Variants in LRRC53 observed in about 807,000 individuals in gnomAD.
LRRC53 encodes the protein leucine rich repeat containing 53.
In LRRC53, 25 loss-of-function variants were observed where a neutral mutation model predicts 13.6. That is an observed-to-expected ratio of 1.83 (90% CI 1.34 to 2.56). The LOEUF is 2.56. Among genes scored for constraint, LRRC53 ranks in the 30% most tolerant of loss-of-function variants. The probability of loss-of-function intolerance (pLI) is 0.00; values close to 1 mark genes in which losing one functional copy is unlikely to be tolerated. For missense variants in LRRC53, 527 were observed against 275.8 expected (o/e 1.91, Z -6.45); for synonymous variants, 204 against 109.8 (o/e 1.86, Z -5.37).
rs1305059905 is a variant in LRRC53, at chr1:74,475,408, T to C, written c.1307A>G (p.Asn436Ser). ...SEPPGNMRAF[N>S]EAGLLTTYNP... ...ATATGTTGTAAGTAAGCCTGCTTCATTAAAAGCTCTCATATTTCCAGGAGG... is the reference window on the plus strand; with the variant it reads ...ATATGTTGTAAGTAAGCCTGCTTCACTAAAAGCTCTCATATTTCCAGGAGG... Residue 436 changes from asparagine (N) to serine (S), a missense_variant, in exon 4 of 5, where the codon AAT becomes AGT. Physicochemically the swap from Asn to Ser is conservative, Grantham distance 46. Transcript: ENST00000294635. The C allele has an allele frequency of 1.4e-6, 1 of 717,048 alleles. No individual in the cohort carries two copies. Among genetic ancestry groups the C allele is most frequent in the African/African-American group, 1.7e-5 (1 of 57,244 alleles). 44.4% of individuals were successfully genotyped at this position (717,048 alleles called of 1,614,324 possible).
At chr1:74,500,372 C>A (rs1049271627) in intron 1 of LRRC53, among the ~76,000 whole-genome samples, 4 of 151,576 alleles carry the variant, frequency 2.6e-5, no homozygotes, top group African/African-American at 7.2e-5. Flanking sequence ...GAGGCCGAGG[C>A]GGGCGGATCA....
At chr1:74,500,019 A>G (rs1482001750) in intron 1 of LRRC53, among the ~76,000 whole-genome samples, 3 of 151,846 alleles carry the variant, frequency 2.0e-5, no homozygotes, top group Non-Finnish European at 4.4e-5. Flanking sequence ...CTATATTTCT[A>G]TTCTTTGGTG....
At chr1:74,516,552 C>A (rs1009172297), upstream of LRRC53, among the ~76,000 whole-genome samples, 2 of 151,750 alleles carry the variant, frequency 1.3e-5, no homozygotes, top group African/African-American at 4.8e-5. Context: ...AGGCAGGGAG[C>A]AATAGAGGAT....
At chr1:74,523,511 TTA>T in the LRRC53 span, among the ~76,000 whole-genome samples, 1 of 128,308 alleles carries the variant, frequency 7.8e-6, no homozygotes, top group South Asian at 2.7e-4. Context: ...AGAGACTCAC[TTA>T]AAAAAAAAGG....
chr1:74,489,995 A>T (rs940268534), intron 1 of LRRC53, among the ~76,000 whole-genome samples: 1 of 145,780 alleles, frequency 6.9e-6, no homozygotes, highest in African/African-American at 2.5e-5. Flanking sequence ...TCAACCTGAG[A>T]TTGCACCACT....
At chr1:74,534,076 T>C in the LRRC53 span, among the ~76,000 whole-genome samples, 2 of 152,156 alleles carry the variant, frequency 1.3e-5, no homozygotes, top group Non-Finnish European at 2.9e-5. Context: ...TTTATAAAAA[T>C]GTTACAAGCT....
In LRRC53 at chr1:74,471,553, T is replaced by C. The variant is rs960135382; in HGVS notation, c.2069A>G (p.Lys690Arg). Residue 690 changes from lysine (K) to arginine (R), a missense_variant, in exon 5 of 5, where the codon AAA (lysine) becomes AGA (arginine). Coordinates refer to ENST00000294635, the MANE Select transcript of LRRC53 (RefSeq NM_001382280.1). ...CAGAACCCATGAATTAGTAAACCATTTTTCTCCTTTGTTTCTCTCCCCAGT... is the reference window on the plus strand; with the variant it reads ...CAGAACCCATGAATTAGTAAACCATCTTTCTCCTTTGTTTCTCTCCCCAGT... The part of the protein sequence containing the change: ...SNTGERNKGE[K>R]WFTNSWVLKR... 5.0e-6 allele frequency: 2 copies of C among 400,542 alleles called. No homozygotes were observed. Among genetic ancestry groups the C allele is most frequent in the Non-Finnish European group, 8.8e-6 (2 of 226,180 alleles). The allele number at this position is 400,542 out of a possible 1,614,324, so 24.8% of individuals were successfully genotyped here.
In LRRC53 at chr1:74,470,225, C is replaced by T. The variant is rs1667855832; in HGVS notation, c.3397G>A (p.Glu1133Lys). 3 of 400,546 alleles carry T rather than the reference C, an allele frequency of 7.5e-6. No homozygotes were observed. The highest frequency in any genetic ancestry group is 1.3e-4 in the South Asian group (1 of 7,946). The allele number at this position is 400,546 out of a possible 1,614,324, so 24.8% of individuals were successfully genotyped here. The change falls in exon 5 of 5, where the codon GAG becomes AAG. Residue 1133 changes from glutamate (E) to lysine (K), a missense_variant. Physicochemically the swap from Glu to Lys is moderately conservative, Grantham distance 56. Transcript: ENST00000294635. ...KYILHDASSA[E>K]ETITAKDLSI... ...AAATCTTTAGCTGTAATGGTCTCCTCGGCAGAGCTTGCATCATGTAATATA... is the reference window on the plus strand; with the variant it reads ...AAATCTTTAGCTGTAATGGTCTCCTTGGCAGAGCTTGCATCATGTAATATA...
At chr1:74,493,570 G>T (rs959444811) in intron 1 of LRRC53, among the ~76,000 whole-genome samples, 1 of 152,060 alleles carries the variant, frequency 6.6e-6, no homozygotes, top group Non-Finnish European at 1.5e-5. Context: ...TAATAATTCC[G>T]TATAATAACC....
In LRRC53 at chr1:74,480,091, C is replaced by G. The variant is rs41289202; in HGVS notation, c.904+62G>C. ...AGTGTCTGAGATAAGCATCACTTAG[C>G]ATGCTGCAAAAATATGGACAAGAGA... On this transcript the variant is annotated intron_variant, in intron 3 of 4. Transcript: ENST00000294635. The G allele has an allele frequency of 5.7e-4, 374 of 654,644 alleles. 1 individual carries two copies. The highest frequency in any genetic ancestry group is 7.0e-4 in the Non-Finnish European group (251 of 357,004). 40.6% of individuals were successfully genotyped at this position (654,644 alleles called of 1,614,324 possible).
intron 1 of LRRC53, among the ~76,000 whole-genome samples, chr1:74,502,126 G>A (rs1669664890): frequency 6.6e-6 from 1 of 152,112 alleles, no homozygotes; most frequent in African/African-American, 2.4e-5. Flanking sequence ...ACAAGAGTCA[G>A]TATGAGAACT....
intron 3 of LRRC53, among the ~76,000 whole-genome samples, chr1:74,477,858 A>G (rs1185086827): frequency 6.6e-6 from 1 of 152,212 alleles, no homozygotes; most frequent in African/African-American, 2.4e-5. Flanking sequence ...CTAACAATCT[A>G]CCTGTGTTGG....
At chr1:74,481,050 A>G in intron 2 of LRRC53, 82 bp from the exon 3 acceptor site, 1 of 622,798 alleles carries the variant, frequency 1.6e-6, no homozygotes, top group South Asian at 1.9e-5. Context: ...GAGAATCAAT[A>G]TCCTCTGAGC....
intron 1 of LRRC53, among the ~76,000 whole-genome samples, chr1:74,491,622 A>G (rs1669082111): frequency 6.6e-6 from 1 of 152,222 alleles, no homozygotes; most frequent in South Asian, 2.1e-4. Context: ...AAGACTTGCC[A>G]CACATTAAAG....
At chr1:74,472,716 A>G (rs145753494) in intron 4 of LRRC53, among the ~76,000 whole-genome samples, 3 of 152,158 alleles carry the variant, frequency 2.0e-5, no homozygotes, top group Non-Finnish European at 2.9e-5. Context: ...TATCTGTTTT[A>G]TTTCCCATAA....
chr1:74,469,734 T>C lies in LRRC53; in HGVS notation c.*144A>G, dbSNP rs554934065. On this transcript the variant is annotated 3_prime_UTR_variant, in exon 5 of 5. Coordinates refer to ENST00000294635, the MANE Select transcript of LRRC53 (RefSeq NM_001382280.1). ...TGTCATATATTCAACTCTGGTTTTA[T>C]TTTATTGATAACAAAGAGTTACTGA... 1.0e-5 allele frequency: 4 copies of C among 395,290 alleles called. No individual in the cohort carries two copies. The highest frequency in any genetic ancestry group is 8.2e-5 in the African/African-American group (4 of 48,698). 24.5% of individuals were successfully genotyped at this position (395,290 alleles called of 1,614,324 possible).
intron 1 of LRRC53, among the ~76,000 whole-genome samples, chr1:74,504,753 C>G (rs926383090): frequency 6.6e-6 from 1 of 152,012 alleles, no homozygotes; most frequent in Admixed American, 6.6e-5. Context: ...GAATGAGATG[C>G]AGCTCTCACC....
chr1:74,531,845 A>G, the LRRC53 span, among the ~76,000 whole-genome samples: 5 of 152,220 alleles, frequency 3.3e-5, no homozygotes, highest in Admixed American at 3.3e-4. Context: ...TAATATTATC[A>G]CATAGGTAAC....
At chr1:74,511,193 C>CT (rs1486308876) in intron 1 of LRRC53, among the ~76,000 whole-genome samples, 2 of 95,712 alleles carry the variant, frequency 2.1e-5, no homozygotes, top group Middle Eastern at 5.7e-3. Flanking sequence ...CGTGCCCGGC[C>CT]TATTTTTTTT....
Sources: gnomAD v4.1 joint callset for allele counts (sites outside exome capture counted in the v4.1 genomes callset) on GRCh38, gnomAD v4.1.1 for gene constraint, MANE v1.5 for transcripts, NCBI Gene and HGNC (gene_info 2026-07-23, HGNC 2026-07-21) for gene names.